The following FAM13B variants were observed in gnomAD, a reference collection of about 807,000 sequenced individuals.
FAM13B encodes the protein protein FAM13B.
Under a neutral mutation model 117.3 loss-of-function variants are expected in FAM13B, and 60 were observed. The ratio of observed to expected loss-of-function variants is 0.51; its 90% CI spans 0.42 to 0.63. FAM13B has a LOEUF of 0.63. Among genes scored for constraint, FAM13B ranks in the 30% least tolerant of loss-of-function variants. The pLI is 0.00. For synonymous variants in FAM13B, 332 were observed against 356.1 expected, an observed-to-expected ratio of 0.93 and a Z score of 0.76; for missense variants, 972 against 1,091.9, an observed-to-expected ratio of 0.89 and a Z score of 1.55.
chr5:137,947,227 G>A (rs1431939722), intron 18 of FAM13B, among the ~76,000 whole-genome samples: 1 of 151,990 alleles, frequency 6.6e-6, no homozygotes, highest in Non-Finnish European at 1.5e-5. Flanking sequence ...TACCACCCTG[G>A]TCTCTCATGA....
At chr5:138,041,347 T>G (rs966986878) in intron 1 of FAM13B, among the ~76,000 whole-genome samples, 1 of 152,158 alleles carries the variant, frequency 6.6e-6, no homozygotes, top group Non-Finnish European at 1.5e-5. Context: ...TAACATATAC[T>G]ATTGTGAGAG....
At chr5:137,982,572 A>G (rs1048916749) in intron 10 of FAM13B, among the ~76,000 whole-genome samples, 1 of 152,108 alleles carries the variant, frequency 6.6e-6, no homozygotes, top group Non-Finnish European at 1.5e-5. Context: ...TATCTACCCT[A>G]TACCTGGATG....
chr5:137,945,973 C>T lies in FAM13B; in HGVS notation c.2269G>A (p.Val757Ile). Residue 757 changes from valine (V) to isoleucine (I), a missense_variant, in exon 20 of 24, where the codon GTT (valine) becomes ATT (isoleucine). Transcript: ENST00000689681. ...RPVTKEERHI[V>I]KPLYDRYRLV... ...CTGTATCTATCATAGAGAGGTTTAA[C>T]AATGTGCCTTTCTTCCTTGGTCACC... 1.9e-6 allele frequency: 3 copies of T among 1,613,176 alleles called. No individual in the cohort carries two copies. The highest frequency in any genetic ancestry group is 2.5e-6 in the Non-Finnish European group (3 of 1,179,588).
At chr5:137,960,691 A>G (rs1767892643) in intron 11 of FAM13B, among the ~76,000 whole-genome samples, 1 of 152,196 alleles carries the variant, frequency 6.6e-6, no homozygotes, top group African/African-American at 2.4e-5. Context: ...ACTACTTCCA[A>G]TCAGAGAAGG....
At position 138,024,810 on chromosome 5, in the gene FAM13B, C is replaced by CAT. The variant is rs1561543171; in HGVS notation, c.-202-3614_-202-3613insAT. ...CAAAATTTATACACACACACACACA[C>CAT]ACAGAGAGAGAGAGAGAGAGAGAGA... is the stretch of plus-strand genomic sequence containing the variant. On this transcript the variant is annotated intron_variant, in intron 1 of 23. Coordinates refer to ENST00000689681, the MANE Select transcript of FAM13B (RefSeq NM_001385994.1). Among the ~76,000 whole-genome samples the CAT allele has an allele frequency of 2.1e-4, 4 of 19,272 alleles. No homozygotes were observed. In the East Asian group the frequency reaches 0.016, roughly 79 times the overall value. The allele number at this position is 19,272 out of a possible 152,430, so 12.6% of individuals were successfully genotyped here.
intron 6 of FAM13B, among the ~76,000 whole-genome samples, chr5:138,010,142 G>A (rs990121710): frequency 1.3e-5 from 2 of 152,012 alleles, no homozygotes; most frequent in African/African-American, 2.4e-5. Context: ...CCCTATGCCT[G>A]GCTAATTTTT....
At chr5:137,978,413 A>G (rs1378808605) in intron 10 of FAM13B, among the ~76,000 whole-genome samples, 2 of 152,090 alleles carry the variant, frequency 1.3e-5, no homozygotes, top group Non-Finnish European at 2.9e-5. Flanking sequence ...CGATGTCTGT[A>G]TAAGACCACT....
intron 10 of FAM13B, among the ~76,000 whole-genome samples, chr5:137,968,730 G>A (rs1267761239): frequency 6.6e-6 from 1 of 152,186 alleles, no homozygotes; most frequent in African/African-American, 2.4e-5. Context: ...GCCAGACAGT[G>A]GGCGCAGGTC....
intron 17 of FAM13B, 121 bp downstream of exon 17, chr5:137,952,507 T>A: frequency 1.5e-6 from 1 of 662,554 alleles, no homozygotes; most frequent in Non-Finnish European, 2.5e-6. Flanking sequence ...AAGGTAACTT[T>A]TATTTTTGTC....
chr5:137,940,083 T>G lies in FAM13B; in HGVS notation c.*142A>C, dbSNP rs778038213. 1 of 1,614,062 alleles carries G rather than the reference T, an allele frequency of 6.2e-7. No homozygotes were observed. Among genetic ancestry groups the G allele is most frequent in the African/African-American group, 1.3e-5 (1 of 74,950 alleles). On this transcript the variant is annotated 3_prime_UTR_variant, in exon 24 of 24. Coordinates refer to ENST00000689681, the MANE Select transcript of FAM13B (RefSeq NM_001385994.1). ...CTACTTACTCTCCCATCATTTGTTTTGTTTAGTGGCACCACAACCAAGTAC... is the reference window on the plus strand; with the variant it reads ...CTACTTACTCTCCCATCATTTGTTTGGTTTAGTGGCACCACAACCAAGTAC...
intron 6 of FAM13B, among the ~76,000 whole-genome samples, chr5:138,009,131 C>T (rs1229039887): frequency 6.6e-6 from 1 of 152,172 alleles, no homozygotes; most frequent in Non-Finnish European, 1.5e-5. Flanking sequence ...CACAGCAAGA[C>T]TTTGTCTCAA....
chr5:137,981,778 T>G (rs1213448887), intron 10 of FAM13B, among the ~76,000 whole-genome samples: 5 of 147,710 alleles, frequency 3.4e-5, no homozygotes, highest in Admixed American at 6.7e-5. Context: ...AGAGACAGAC[T>G]CCATCTCAGG....
intron 10 of FAM13B, among the ~76,000 whole-genome samples, chr5:137,968,907 TA>T (rs1180487458): frequency 6.6e-6 from 1 of 152,144 alleles, no homozygotes; most frequent in East Asian, 1.9e-4. Context: ...CCGACGGGCT[TA>T]AAAAACGGCA....
At chr5:137,991,403 T>C (rs1360127654) in intron 7 of FAM13B, among the ~76,000 whole-genome samples, 1 of 152,230 alleles carries the variant, frequency 6.6e-6, no homozygotes, top group Non-Finnish European at 1.5e-5. Context: ...TTTATAACTA[T>C]AAACAAAGGC....
At chr5:137,952,235 CATTCTT>C (rs1210020408) in intron 17 of FAM13B, among the ~76,000 whole-genome samples, 2 of 152,114 alleles carry the variant, frequency 1.3e-5, no homozygotes, top group Non-Finnish European at 2.9e-5. Context: ...TGTGATTAGA[CATTCTT>C]AGTCTTAGAT....
At chr5:137,951,987 GAAATAA>G (rs1419749520) in intron 17 of FAM13B, among the ~76,000 whole-genome samples, 3 of 151,878 alleles carry the variant, frequency 2.0e-5, no homozygotes, top group African/African-American at 7.3e-5. Context: ...GAAAAAATTA[GAAATAA>G]AAATAAAAAT....
chr5:138,010,851 T>A (rs190005883), intron 6 of FAM13B, among the ~76,000 whole-genome samples, 157 bp downstream of exon 6: 25 of 150,930 alleles, frequency 1.7e-4, no homozygotes, highest in Admixed American at 1.5e-3. Context: ...AAAAAAATCA[T>A]GAATGTGCCA....
chr5:137,967,119 A>T (rs1770227567), intron 10 of FAM13B, among the ~76,000 whole-genome samples: 1 of 152,200 alleles, frequency 6.6e-6, no homozygotes, highest in African/African-American at 2.4e-5. Flanking sequence ...AGGGAAAAAA[A>T]AAAAGACGAT....
At chr5:138,043,698 A>C (rs1358709653) in intron 1 of FAM13B, among the ~76,000 whole-genome samples, 1 of 151,852 alleles carries the variant, frequency 6.6e-6, no homozygotes, top group Non-Finnish European at 1.5e-5. Flanking sequence ...TCGGCCTCCC[A>C]AAGTGCTGAA....
Sources: gnomAD v4.1 joint callset for allele counts (sites outside exome capture counted in the v4.1 genomes callset) on GRCh38, gnomAD v4.1.1 for gene constraint, MANE v1.5 for transcripts, NCBI Gene and HGNC (gene_info 2026-07-23, HGNC 2026-07-21) for gene names.